Variants in ASCC3 observed in about 807,000 individuals in gnomAD.
ASCC3 encodes the protein activating signal cointegrator 1 complex subunit 3, also known as ASC-1 complex subunit P200.
A neutral mutation model predicts 256.3 loss-of-function variants in ASCC3; 158 were observed. That is an observed-to-expected ratio of 0.62 (90% confidence interval 0.54 to 0.70). ASCC3 has a LOEUF of 0.70. Ranked by LOEUF, ASCC3 falls within the 30% of genes least tolerant of loss-of-function variation. ASCC3 has a pLI of 0.00. For synonymous variants in ASCC3, 948 were observed against 883.4 expected (o/e 1.07, Z -1.30); for missense variants, 2,259 against 2,626.0 (o/e 0.86, Z 3.05).
chr6:100,565,748 G>A (rs1022394293), intron 36 of ASCC3, among the ~76,000 whole-genome samples: 1 of 152,100 alleles, frequency 6.6e-6, no homozygotes, highest in Non-Finnish European at 1.5e-5. Context: ...GCCACTGAAG[G>A]GGTAACTATG....
At chr6:100,605,853 T>C (rs1772858589) in intron 32 of ASCC3, among the ~76,000 whole-genome samples, 153 bp from the exon 33 acceptor site, 1 of 152,098 alleles carries the variant, frequency 6.6e-6, no homozygotes, top group Non-Finnish European at 1.5e-5. Context: ...ACTACTACGT[T>C]GAGTTCCCTA....
At chr6:100,554,285 G>A (rs1299057772) in intron 36 of ASCC3, among the ~76,000 whole-genome samples, 1 of 152,138 alleles carries the variant, frequency 6.6e-6, no homozygotes, top group Non-Finnish European at 1.5e-5. Flanking sequence ...TCCAGGTACA[G>A]TAACTATTAG....
rs1201705191 is a variant in ASCC3 at position 100,687,028 on chromosome 6, T to TCACACACACACACA, written c.2152-7277_2152-7276insTGTGTGTGTGTGTG. Among the ~76,000 whole-genome samples, 630 of 89,092 alleles carry TCACACACACACACA rather than the reference T, an allele frequency of 7.1e-3. 6 individuals carry two copies. Among genetic ancestry groups the TCACACACACACACA allele is most frequent in the Admixed American group, 0.012 (112 of 9,168 alleles). 58.4% of individuals were successfully genotyped at this position (89,092 alleles called of 152,430 possible). ...GTACTTAAATCTCTCTCTCTCTCTC[T>TCACACACACACACA]CTCTCTCACACACACACACACACAC... On this transcript the variant is annotated intron_variant, in intron 13 of 41. Transcript: ENST00000369162.
intron 8 of ASCC3, among the ~76,000 whole-genome samples, chr6:100,775,988 C>T (rs930837364): frequency 1.3e-5 from 2 of 151,918 alleles, no homozygotes; most frequent in African/African-American, 4.8e-5. Flanking sequence ...TTAACAAATG[C>T]TTTAAGTTAA....
intron 11 of ASCC3, among the ~76,000 whole-genome samples, chr6:100,723,372 C>G (rs1200084144): frequency 6.6e-6 from 1 of 151,598 alleles, no homozygotes; most frequent in African/African-American, 2.4e-5. Flanking sequence ...TCATTTATAA[C>G]TTCTTGAGCT....
At chr6:100,675,419 C>G (rs1166069706) in intron 14 of ASCC3, among the ~76,000 whole-genome samples, 2 of 152,118 alleles carry the variant, frequency 1.3e-5, no homozygotes, top group Non-Finnish European at 2.9e-5. Context: ...CGATTCTAAT[C>G]TGGGCCATAC....
intron 36 of ASCC3, among the ~76,000 whole-genome samples, chr6:100,571,681 T>TACCATTGTC (rs1476331301): frequency 6.6e-6 from 1 of 152,234 alleles, no homozygotes; most frequent in Non-Finnish European, 1.5e-5. Flanking sequence ...AGAGGGTAAG[T>TACCATTGTC]ACCATTGTCC....
chr6:100,628,621 G>A (rs1243746866), intron 27 of ASCC3, among the ~76,000 whole-genome samples: 1 of 152,026 alleles, frequency 6.6e-6, no homozygotes, highest in African/African-American at 2.4e-5. Flanking sequence ...CATGTAAGAA[G>A]CTCTCTTCTG....
chr6:100,619,210 C>G (rs1773823190), intron 30 of ASCC3, among the ~76,000 whole-genome samples: 1 of 152,188 alleles, frequency 6.6e-6, no homozygotes. Flanking sequence ...AAAACTTTTG[C>G]CTTCTCTTCC....
intron 9 of ASCC3, 70 bp downstream of exon 9, chr6:100,767,075 T>G: frequency 6.8e-7 from 1 of 1,460,448 alleles, no homozygotes. Flanking sequence ...AAATTTCATG[T>G]AATATTAAAA....
intron 13 of ASCC3, among the ~76,000 whole-genome samples, chr6:100,712,421 T>A (rs1778892426): frequency 6.6e-6 from 1 of 151,782 alleles, no homozygotes; most frequent in Admixed American, 6.6e-5. Context: ...AACCCAACAA[T>A]AAGAAAATGA....
chr6:100,652,888 A>G lies in ASCC3; in HGVS notation c.2825T>C (p.Ile942Thr), dbSNP rs147086948. Residue 942 changes from isoleucine (I) to threonine (T), a missense_variant and splice_region_variant, in exon 18 of 42, where the codon ATT (isoleucine) becomes ACT (threonine). By Grantham distance (89) the Ile-to-Thr change is moderately conservative. Around this residue, in one of 2 missense-constraint regions of ASCC3, gnomAD observed 1,839 missense variants for 2,206.7 expected, o/e 0.83. Coordinates refer to ENST00000369162, the MANE Select transcript of ASCC3 (RefSeq NM_006828.4). Reference sequence around the variant, plus strand: ...TCGATGCTTTCTTAATGTTGGGTCAATCTATGGCAAAAAATATATAAACAG... The same window carrying G: ...TCGATGCTTTCTTAATGTTGGGTCAGTCTATGGCAAAAAATATATAAACAG... ...AYGISHKAYQ[I>T]DPTLRKHREQ... 1.2e-6 allele frequency: 2 copies of G among 1,613,590 alleles called. No homozygotes were observed. Among genetic ancestry groups the G allele is most frequent in the Non-Finnish European group, 1.7e-6 (2 of 1,179,762 alleles).
chr6:100,768,177 A>T (rs924458487), intron 8 of ASCC3, among the ~76,000 whole-genome samples: 1 of 151,268 alleles, frequency 6.6e-6, no homozygotes, highest in Admixed American at 6.6e-5. Flanking sequence ...CATAGACTAC[A>T]CTTTGTGACA....
rs780302747 is a variant in ASCC3 at position 100,638,554 on chromosome 6, T to C, written c.4122+47A>G. On this transcript the variant is annotated intron_variant, in intron 25 of 41. Coordinates refer to ENST00000369162, the MANE Select transcript of ASCC3 (RefSeq NM_006828.4). Reference sequence around the variant, plus strand: ...TTAGAACTGTCTAGTTTAGAGATTATGAACTGTCTTTTCTAATTAAATGTA... The same window carrying C: ...TTAGAACTGTCTAGTTTAGAGATTACGAACTGTCTTTTCTAATTAAATGTA... 2.7e-6 allele frequency: 4 copies of C among 1,459,670 alleles called. No individual in the cohort carries two copies. In the Admixed American group the frequency reaches 5.2e-5, roughly 19 times the overall value. 90.4% of individuals were successfully genotyped at this position (1,459,670 alleles called of 1,614,324 possible).
chr6:100,673,585 A>G (rs1776862244), intron 14 of ASCC3, among the ~76,000 whole-genome samples: 1 of 152,222 alleles, frequency 6.6e-6, no homozygotes, highest in Non-Finnish European at 1.5e-5. Context: ...AACAAGGATA[A>G]AATTTCAATG....
intron 37 of ASCC3, among the ~76,000 whole-genome samples, chr6:100,536,915 A>G (rs1344469392): frequency 6.6e-6 from 1 of 152,232 alleles, no homozygotes; most frequent in Non-Finnish European, 1.5e-5. Flanking sequence ...CTATACTTAC[A>G]TAAATAAATA....
intron 30 of ASCC3, among the ~76,000 whole-genome samples, chr6:100,621,716 G>C (rs369492968): frequency 1.3e-5 from 2 of 152,148 alleles, no homozygotes; most frequent in African/African-American, 4.8e-5. Flanking sequence ...AATATCATCT[G>C]ACCCAGAAAT....
chr6:100,757,875 A>T (rs1360266618), intron 10 of ASCC3, among the ~76,000 whole-genome samples: 1 of 152,146 alleles, frequency 6.6e-6, no homozygotes, highest in Non-Finnish European at 1.5e-5. Context: ...CCCCAAACAA[A>T]CAAAATAAGA....
chr6:100,590,141 T>C (rs1771928336), intron 34 of ASCC3, 82 bp from the exon 35 acceptor site: 2 of 909,234 alleles, frequency 2.2e-6, no homozygotes, highest in Non-Finnish European at 3.6e-6. Flanking sequence ...AGAATATATA[T>C]AAATATAATC....
Sources: gnomAD v4.1 joint callset for allele counts (sites outside exome capture counted in the v4.1 genomes callset) on GRCh38, gnomAD v4.1.1 for gene constraint, gnomAD v4.1.1 regional missense constraint, MANE v1.5 for transcripts, NCBI Gene and HGNC (gene_info 2026-07-23, HGNC 2026-07-21) for gene names.